Variants in CHST9 observed in about 807,000 individuals in gnomAD.
CHST9 encodes carbohydrate sulfotransferase 9.
A neutral mutation model predicts 44.4 loss-of-function variants in CHST9; 41 were observed. The observed-to-expected ratio is 0.92, with a 90% CI of 0.72 to 1.20. The LOEUF (loss-of-function observed/expected upper bound fraction) is 1.20. Among genes scored for constraint, CHST9 ranks in the 50% most tolerant of loss-of-function variants. CHST9 has a pLI of 0.00. For synonymous variants in CHST9, 171 were observed against 178.4 expected, an observed-to-expected ratio of 0.96 and a Z score of 0.33; for missense variants, 504 against 516.5, an observed-to-expected ratio of 0.98 and a Z score of 0.23.
intron 4 of CHST9, among the ~76,000 whole-genome samples, chr18:27,009,675 T>G (rs2057059891): frequency 1.3e-5 from 2 of 152,214 alleles, no homozygotes; most frequent in Non-Finnish European, 2.9e-5. Flanking sequence ...AGTAATGAAG[T>G]GGAAAATTAA....
chr18:27,135,934 C>T (rs2058510174), intron 2 of CHST9, among the ~76,000 whole-genome samples: 1 of 152,194 alleles, frequency 6.6e-6, no homozygotes, highest in African/African-American at 2.4e-5. Flanking sequence ...GCTTCTGCTG[C>T]TTTCCACATT....
chr18:27,085,780 A>T (rs2058006936), intron 2 of CHST9, among the ~76,000 whole-genome samples: 3 of 152,170 alleles, frequency 2.0e-5, no homozygotes, highest in Admixed American at 2.0e-4. Context: ...ATATACCCAA[A>T]GGAATATAAA....
At chr18:27,114,612 C>G (rs1488962648) in intron 2 of CHST9, among the ~76,000 whole-genome samples, 2 of 152,194 alleles carry the variant, frequency 1.3e-5, no homozygotes, top group Non-Finnish European at 2.9e-5. Context: ...TAGATATTAG[C>G]AGTCAACCCT....
At chr18:27,090,110 G>A (rs1381133570) in intron 2 of CHST9, among the ~76,000 whole-genome samples, 1 of 152,052 alleles carries the variant, frequency 6.6e-6, no homozygotes, top group Non-Finnish European at 1.5e-5. Flanking sequence ...CGCGCCCAGT[G>A]TTTCCTGACT....
rs2055529372 is a variant in CHST9 at position 26,916,628 on chromosome 18, T to C, written c.963A>G (p.Ala321=). The part of the protein sequence containing the change: ...KKYRPNACEE[A]LINGSGVKFK... ...ACTTGACTCCAGATCCATTAATTAATGCTTCTTCACAGGCATTTGGTCGAT... is the reference window on the plus strand; with the variant it reads ...ACTTGACTCCAGATCCATTAATTAACGCTTCTTCACAGGCATTTGGTCGAT... Residue 321 remains alanine (A), a synonymous_variant, in exon 6 of 6, where the codon GCA becomes GCG. Coordinates refer to ENST00000618847, the MANE Select transcript of CHST9 (RefSeq NM_031422.6). 1 of 1,613,906 alleles carries C rather than the reference T, an allele frequency of 6.2e-7. No individual in the cohort carries two copies. The highest frequency in any genetic ancestry group is 1.1e-5 in the South Asian group (1 of 91,078).
At chr18:27,048,607 T>C (rs2057531855) in intron 2 of CHST9, 104 bp from the exon 3 acceptor site, 2 of 892,920 alleles carry the variant, frequency 2.2e-6, no homozygotes, top group African/African-American at 3.4e-5. Context: ...CAACCTCTAC[T>C]TCAGCCATGT....
chr18:26,939,729 T>C (rs1360310480), intron 5 of CHST9, among the ~76,000 whole-genome samples: 1 of 152,156 alleles, frequency 6.6e-6, no homozygotes, highest in Non-Finnish European at 1.5e-5. Context: ...TGCTTGGAAC[T>C]TCACGGGGGA....
chr18:27,014,774 T>A (rs1448611643), intron 4 of CHST9, among the ~76,000 whole-genome samples: 1 of 152,180 alleles, frequency 6.6e-6, no homozygotes, highest in Non-Finnish European at 1.5e-5. Context: ...GGTTTACATC[T>A]GGTAGATTTC....
At chr18:26,944,457 C>G (rs541031) in intron 4 of CHST9, 91 bp from the exon 5 acceptor site, 2 of 888,588 alleles carry the variant, frequency 2.3e-6, no homozygotes, top group South Asian at 2.8e-5. Context: ...GTAAACACTT[C>G]CAAAGTGGTC....
intron 1 of CHST9, among the ~76,000 whole-genome samples, chr18:27,164,239 A>G (rs2058772042): frequency 6.6e-6 from 1 of 152,072 alleles, no homozygotes; most frequent in Non-Finnish European, 1.5e-5. Flanking sequence ...TATATGTCAC[A>G]GCCTCAGAAA....
At position 26,931,219 on chromosome 18, in the gene CHST9, A is replaced by G. The variant is rs543722876; in HGVS notation, c.240+13110T>C. 3.3e-5 allele frequency among the ~76,000 whole-genome samples: 5 copies of G among 152,264 alleles called. No individual in the cohort carries two copies. The East Asian group carries it at 9.6e-4, about 29-fold the overall frequency. On this transcript the variant is annotated intron_variant, in intron 5 of 5. Coordinates refer to ENST00000618847, the MANE Select transcript of CHST9 (RefSeq NM_031422.6). ...TGTATCATTACCCCCTTCCCTCACT[A>G]CAATTCTGTAATCTGCACCTTGGGA...
At chr18:27,164,786 C>G (rs1313372840) in intron 1 of CHST9, among the ~76,000 whole-genome samples, 1 of 152,172 alleles carries the variant, frequency 6.6e-6, no homozygotes. Context: ...TCAGTAGCAA[C>G]ACTGGAATCT....
At chr18:27,121,994 T>C (rs16943293) in intron 2 of CHST9, among the ~76,000 whole-genome samples, 10,304 of 152,276 alleles carry the variant, frequency 0.068, 441 homozygotes, top group East Asian at 0.14. Flanking sequence ...TGGCTTATTC[T>C]GGGGTGTTGT....
At chr18:27,170,128 G>T (rs2058823290) in intron 1 of CHST9, among the ~76,000 whole-genome samples, 1 of 152,182 alleles carries the variant, frequency 6.6e-6, no homozygotes, top group Non-Finnish European at 1.5e-5. Flanking sequence ...AGGGTATGCT[G>T]AGACAATGCT....
chr18:27,041,214 T>C (rs964420917), intron 3 of CHST9, among the ~76,000 whole-genome samples: 2 of 152,172 alleles, frequency 1.3e-5, no homozygotes, highest in African/African-American at 4.8e-5. Flanking sequence ...CATCTAGCTC[T>C]TGAATATTCA....
At chr18:26,966,866 ATTATTACTT>A (rs1218021697) in intron 4 of CHST9, among the ~76,000 whole-genome samples, 1 of 147,524 alleles carries the variant, frequency 6.8e-6, no homozygotes, top group Non-Finnish European at 1.5e-5. Context: ...ACAATACTTA[ATTATTACTT>A]TCTTTAAAAA....
chr18:27,114,760 T>C (rs1231675178), intron 2 of CHST9, among the ~76,000 whole-genome samples: 2 of 152,366 alleles, frequency 1.3e-5, no homozygotes, highest in Middle Eastern at 3.4e-3. Context: ...GGTTCATCAA[T>C]GTTGTAGCAT....
Position 26,916,971 on chromosome 18 carries a change from T to TCTATGTAGA in CHST9, c.619_620insTCTACATAG (p.Tyr207delinsPheTyrIleAsp). On this transcript the variant is annotated protein_altering_variant, in exon 6 of 6. Transcript: ENST00000618847. ...TAAGATTTTGTGTTTATCTTCTACA[T>TCTATGTAGA]AGATTCTGGATACTGTATGAAAAAG... 1 of 1,613,930 alleles carries TCTATGTAGA rather than the reference T, an allele frequency of 6.2e-7. No homozygotes were observed. The highest frequency in any genetic ancestry group is 1.1e-5 in the South Asian group (1 of 91,066).
chr18:27,057,469 G>A, intron 2 of CHST9, among the ~76,000 whole-genome samples: 1 of 152,220 alleles, frequency 6.6e-6, no homozygotes, highest in East Asian at 1.9e-4. Context: ...CGCAGACATT[G>A]AGGATAGCCT....
Sources: gnomAD v4.1 joint callset for allele counts (sites outside exome capture counted in the v4.1 genomes callset) on GRCh38, gnomAD v4.1.1 for gene constraint, MANE v1.5 for transcripts, NCBI Gene and HGNC (gene_info 2026-07-23, HGNC 2026-07-21) for gene names.